Variants in XXYLT1 observed in about 807,000 individuals in gnomAD.
XXYLT1 encodes the protein xyloside xylosyltransferase 1, also known as UDP-xylose:alpha-xyloside alpha-1,3-xylosyltransferase.
XXYLT1 carries 20 observed loss-of-function variants against 28.9 expected under a neutral mutation model. That is an observed-to-expected ratio of 0.69 (90% CI 0.49 to 1.00). The LOEUF (loss-of-function observed/expected upper bound fraction) is 1.00, where lower values mean the gene tolerates loss of function less well. XXYLT1 is among the 50% of genes least tolerant of loss of function. The pLI is 0.00. For synonymous variants in XXYLT1, 257 were observed against 253.8 expected, an observed-to-expected ratio of 1.01 and a Z score of -0.12; for missense variants, 542 against 560.1, an observed-to-expected ratio of 0.97 and a Z score of 0.33.
chr3:195,182,175 C>T (rs1021301588), intron 2 of XXYLT1, among the ~76,000 whole-genome samples: 3 of 152,204 alleles, frequency 2.0e-5, no homozygotes, highest in Non-Finnish European at 2.9e-5. Flanking sequence ...CCCCTCTGTG[C>T]TGGATTCTCT....
chr3:195,096,424 C>T (rs1435269035), intron 3 of XXYLT1, among the ~76,000 whole-genome samples: 3 of 152,188 alleles, frequency 2.0e-5, no homozygotes, highest in African/African-American at 4.8e-5. Flanking sequence ...TATATATACA[C>T]GACCATGCCC....
At chr3:195,141,617 G>A (rs183516637) in intron 3 of XXYLT1, among the ~76,000 whole-genome samples, 47 of 152,200 alleles carry the variant, frequency 3.1e-4, no homozygotes, top group African/African-American at 8.2e-4. Context: ...ACTCTTAACC[G>A]CCTCTTCAAA....
chr3:195,099,571 C>T (rs1032994687), intron 3 of XXYLT1, among the ~76,000 whole-genome samples: 6 of 152,168 alleles, frequency 3.9e-5, no homozygotes, highest in African/African-American at 1.4e-4. Flanking sequence ...TGGCTCATGC[C>T]TATAATTCCA....
At chr3:195,122,241 TG>T (rs1718399056) in intron 3 of XXYLT1, 1 of 696,212 alleles carries the variant, frequency 1.4e-6, no homozygotes. Flanking sequence ...ACCATCACAC[TG>T]GGGGTTAGGA....
intron 3 of XXYLT1, among the ~76,000 whole-genome samples, chr3:195,079,119 C>T (rs1279895316): frequency 1.3e-5 from 2 of 152,184 alleles, no homozygotes; most frequent in Non-Finnish European, 1.5e-5. Context: ...GTGTCATCTG[C>T]CCCCAGTACA....
At chr3:195,165,266 G>C (rs536264052) in intron 2 of XXYLT1, among the ~76,000 whole-genome samples, 131 of 152,230 alleles carry the variant, frequency 8.6e-4, no homozygotes, top group Non-Finnish European at 1.7e-3. Flanking sequence ...CCTCTACAGG[G>C]TCGCAGGCTA....
chr3:195,249,342 A>G (rs1265861043), intron 1 of XXYLT1, among the ~76,000 whole-genome samples: 1 of 152,246 alleles, frequency 6.6e-6, no homozygotes, highest in Non-Finnish European at 1.5e-5. Context: ...ACCATGCTGT[A>G]TAAAACAGGC....
At position 195,150,314 on chromosome 3, in the gene XXYLT1, G is replaced by A. The variant is rs1019465685; in HGVS notation, c.785+6135C>T. ...TTGCCCAAGGTCACACAGCAACTGAGTGGTAGAGGTAGTCAGTCCACACCC... is the reference window on the plus strand; with the variant it reads ...TTGCCCAAGGTCACACAGCAACTGAATGGTAGAGGTAGTCAGTCCACACCC... On this transcript the variant is annotated intron_variant, in intron 3 of 3. Transcript: ENST00000310380. The surrounding 1 kb of genome is among the most constrained non-coding windows in gnomAD (Gnocchi z 4.7). Among the ~76,000 whole-genome samples the A allele has an allele frequency of 6.6e-6, 1 of 152,212 alleles. No individual in the cohort carries two copies. Among genetic ancestry groups the A allele is most frequent in the Non-Finnish European group, 1.5e-5 (1 of 68,030 alleles).
At chr3:195,119,442 A>G (rs934400094) in intron 3 of XXYLT1, among the ~76,000 whole-genome samples, 1 of 152,198 alleles carries the variant, frequency 6.6e-6, no homozygotes, top group African/African-American at 2.4e-5. Flanking sequence ...GGTATCCAGT[A>G]AGGGACCTGG....
In XXYLT1 at chr3:195,097,714, C is replaced by T. The variant is rs530990381; in HGVS notation, c.786-27603G>A. ...TGGCGAGCACCCTGTGAACAGTCGC[C>T]AAGATAAAACCCAGCCCTGAGCACC... On this transcript the variant is annotated intron_variant, in intron 3 of 3. Coordinates refer to ENST00000310380, the MANE Select transcript of XXYLT1 (RefSeq NM_152531.5). Among the ~76,000 whole-genome samples the T allele has an allele frequency of 2.6e-5, 4 of 152,284 alleles. No individual in the cohort carries two copies. The East Asian group carries it at 7.7e-4, about 29-fold the overall frequency.
chr3:195,085,929 C>G (rs1449647240), intron 3 of XXYLT1: 1 of 152,226 alleles, frequency 6.6e-6, no homozygotes, highest in Non-Finnish European at 1.5e-5. Flanking sequence ...TCAGGCCTTG[C>G]GGAGGCCAAC....
At chr3:195,083,261 C>G (rs1484951487) in intron 3 of XXYLT1, among the ~76,000 whole-genome samples, 2 of 152,124 alleles carry the variant, frequency 1.3e-5, no homozygotes, top group Non-Finnish European at 2.9e-5. Context: ...TTGATAACCC[C>G]CTGCGTATAC....
intron 1 of XXYLT1, among the ~76,000 whole-genome samples, chr3:195,246,864 A>C (rs1357148736): frequency 6.6e-6 from 1 of 152,158 alleles, no homozygotes; most frequent in East Asian, 1.9e-4. Context: ...ACAGCCAGAG[A>C]GCCAGTCCCA....
rs1310442266 is a variant in XXYLT1 at position 195,241,820 on chromosome 3, CACATGCACACAACATACACAG to C, written c.505-14985_505-14965del. Among the ~76,000 whole-genome samples, 68 of 152,182 alleles carry C rather than the reference CACATGCACACAACATACACAG, an allele frequency of 4.5e-4. No individual in the cohort carries two copies. In the East Asian group the frequency reaches 0.013, roughly 29 times the overall value. ...CACACACATGCGCACAACACACACA[CACATGCACACAACATACACAG>C]ACATGCACACAACACACACATGTAC... On this transcript the variant is annotated intron_variant, in intron 1 of 3. Transcript: ENST00000310380.
chr3:195,228,436 C>T (rs927191645), intron 1 of XXYLT1, among the ~76,000 whole-genome samples: 2 of 151,750 alleles, frequency 1.3e-5, no homozygotes, highest in South Asian at 4.2e-4. Flanking sequence ...GCCCTGTAAA[C>T]CACCGTCTGC....
At chr3:195,160,609 G>A (rs1468095906) in intron 2 of XXYLT1, among the ~76,000 whole-genome samples, 2 of 152,174 alleles carry the variant, frequency 1.3e-5, no homozygotes, top group African/African-American at 2.4e-5. Flanking sequence ...TTGCTGTTCA[G>A]GAGCACCTCT....
intron 3 of XXYLT1, among the ~76,000 whole-genome samples, chr3:195,099,371 A>T (rs1716638165): frequency 6.6e-6 from 1 of 152,134 alleles, no homozygotes. Context: ...TTTAGCACAC[A>T]CATTACAGTG....
chr3:195,215,217 A>T lies in XXYLT1; in HGVS notation c.652+11492T>A, dbSNP rs1387758933. Among the ~76,000 whole-genome samples the T allele has an allele frequency of 6.6e-5, 10 of 150,538 alleles. No homozygotes were observed. In the East Asian group the frequency reaches 2.0e-3, roughly 30 times the overall value. ...AACCGGTACCAGCCGCTGCAAAATC[A>T]TGCCAAAATGTAAAGACCATCGAGA... On this transcript the variant is annotated intron_variant, in intron 2 of 3. Coordinates refer to ENST00000310380, the MANE Select transcript of XXYLT1 (RefSeq NM_152531.5).
Position 195,260,261 on chromosome 3 carries a change from G to T in XXYLT1, c.504+10294C>A, listed in dbSNP as rs867976077. On this transcript the variant is annotated intron_variant, in intron 1 of 3. Coordinates refer to ENST00000310380, the MANE Select transcript of XXYLT1 (RefSeq NM_152531.5). The stretch of plus-strand genomic sequence containing the variant: ...CTCGGCCCGTGTGTCGGCCCCGGGC[G>T]GGGGAGGGACCGCGCCGCGGAGGAG... Among the ~76,000 whole-genome samples, 59 of 151,264 alleles carry T rather than the reference G, an allele frequency of 3.9e-4. No individual in the cohort carries two copies. In the Middle Eastern group the frequency reaches 0.017, roughly 44 times the overall value.
Sources: allele counts gnomAD v4.1 joint callset (sites outside exome capture counted in the v4.1 genomes callset), GRCh38; gene constraint gnomAD v4.1.1; non-coding constraint Gnocchi (gnomAD v3.1); transcripts MANE v1.5; gene names NCBI Gene and HGNC (gene_info 2026-07-23, HGNC 2026-07-21).